The following RPS6KC1 variants were observed in gnomAD, a reference collection of about 807,000 sequenced individuals.
RPS6KC1 encodes the protein ribosomal protein S6 kinase C1.
In RPS6KC1, 54 loss-of-function variants were observed where a neutral mutation model predicts 103.8. The observed-to-expected ratio is 0.52, with a 90% confidence interval of 0.42 to 0.65. The LOEUF is 0.65. Among genes scored for constraint, RPS6KC1 ranks in the 30% least tolerant of loss-of-function variants. The probability of loss-of-function intolerance (pLI) is 0.00; values close to 1 mark genes in which losing one functional copy is unlikely to be tolerated. For synonymous variants in RPS6KC1, 439 were observed against 438.7 expected, an observed-to-expected ratio of 1.00 and a Z score of -0.01; for missense variants, 1,151 against 1,253.8, an observed-to-expected ratio of 0.92 and a Z score of 1.24.
At chr1:213,105,567 T>G (rs895576923) in intron 4 of RPS6KC1, among the ~76,000 whole-genome samples, 4 of 152,196 alleles carry the variant, frequency 2.6e-5, no homozygotes, top group African/African-American at 9.6e-5. Flanking sequence ...TTATGATGTT[T>G]TATCTACTGA....
the RPS6KC1 span, among the ~76,000 whole-genome samples, chr1:213,859,974 A>ATTATAT: frequency 6.8e-6 from 1 of 146,740 alleles, no homozygotes; most frequent in African/African-American, 2.8e-5. Flanking sequence ...ATACAGTCTA[A>ATTATAT]ACAAAAAAAA....
chr1:213,800,031 T>C, the RPS6KC1 span, among the ~76,000 whole-genome samples: 1 of 152,200 alleles, frequency 6.6e-6, no homozygotes, highest in Non-Finnish European at 1.5e-5. Flanking sequence ...CCTCTTCTTC[T>C]AAGAACATTA....
the RPS6KC1 span, among the ~76,000 whole-genome samples, chr1:213,442,101 G>A: frequency 1.3e-5 from 2 of 152,200 alleles, no homozygotes; most frequent in Non-Finnish European, 2.9e-5. Context: ...AGGTAGGCAT[G>A]TTCCTTAAGG....
intron 8 of RPS6KC1, among the ~76,000 whole-genome samples, chr1:213,206,818 A>G (rs1352380443): frequency 6.6e-6 from 1 of 152,164 alleles, no homozygotes; most frequent in African/African-American, 2.4e-5. Flanking sequence ...TGGGGTTCAT[A>G]TAGTGCTTCT....
intron 8 of RPS6KC1, among the ~76,000 whole-genome samples, chr1:213,215,843 C>A (rs1444357039): frequency 2.0e-5 from 3 of 152,118 alleles, no homozygotes; most frequent in African/African-American, 4.8e-5. Context: ...GATTTTGTCA[C>A]CACCAGGCCT....
In RPS6KC1 at chr1:213,118,021, C is replaced by CAA. The variant is rs59318173; in HGVS notation, c.472+628_472+629dup. Among the ~76,000 whole-genome samples the CAA allele has an allele frequency of 1.3e-3, 45 of 34,182 alleles. 5 individuals carry two copies. Among genetic ancestry groups the CAA allele is most frequent in the Middle Eastern group, 0.029 (2 of 70 alleles). 22.4% of individuals were successfully genotyped at this position (34,182 alleles called of 152,430 possible). ...TGGACAACAAAGCAAGACTTTGTCT[C>CAA]AAAAAAAAAAAAAAAAAAGCCTTAC... On this transcript the variant is annotated intron_variant, in intron 5 of 14. Transcript: ENST00000366960.
At chr1:213,451,776 G>A in the RPS6KC1 span, among the ~76,000 whole-genome samples, 196 of 152,310 alleles carry the variant, frequency 1.3e-3, no homozygotes, top group African/African-American at 4.4e-3. Context: ...ATGTAAACCT[G>A]AGCTGGGGCA....
the RPS6KC1 span, among the ~76,000 whole-genome samples, chr1:213,319,389 C>T: frequency 6.0e-5 from 9 of 149,706 alleles, no homozygotes; most frequent in African/African-American, 1.7e-4. Flanking sequence ...GGAAAGGAGG[C>T]TCTTTAGACA....
At chr1:213,354,799 T>C in the RPS6KC1 span, among the ~76,000 whole-genome samples, 1 of 152,256 alleles carries the variant, frequency 6.6e-6, no homozygotes, top group Non-Finnish European at 1.5e-5. Context: ...CCTTTAGGGC[T>C]TTGCCCTCAT....
Position 213,240,816 on chromosome 1 carries a change from C to G in RPS6KC1, c.1340C>G (p.Thr447Ser). The change falls in exon 11 of 15, where the codon ACT becomes AGT. Residue 447 changes from threonine to serine, a missense_variant. Physicochemically the swap from Thr to Ser is moderately conservative, Grantham distance 58 (BLOSUM62 1). Transcript: ENST00000366960. ...TLAKVHLQQPTSSPQDSSSFE... is the reference protein window; with the variant it reads ...TLAKVHLQQPSSSPQDSSSFE... ...GCAAAAGTTCACCTGCAGCAGCCAACTTCTAGTCCTCAGGACAGCAGTAGC... is the reference window on the plus strand; with the variant it reads ...GCAAAAGTTCACCTGCAGCAGCCAAGTTCTAGTCCTCAGGACAGCAGTAGC... 1 of 1,613,934 alleles carries G rather than the reference C, an allele frequency of 6.2e-7. No individual in the cohort carries two copies. The highest frequency in any genetic ancestry group is 8.5e-7 in the Non-Finnish European group (1 of 1,179,882).
chr1:213,072,140 GT>G (rs540248789), intron 2 of RPS6KC1, among the ~76,000 whole-genome samples: 61 of 143,450 alleles, frequency 4.3e-4, no homozygotes, highest in African/African-American at 1.1e-3. Context: ...CAACAGTATT[GT>G]TTTTTTTTTT....
chr1:213,541,228 G>A, the RPS6KC1 span, among the ~76,000 whole-genome samples: 2,257 of 150,848 alleles, frequency 0.015, 34 homozygotes, highest in South Asian at 0.032. Context: ...ACAACATTTC[G>A]CGATTAAGTT....
chr1:213,334,934 T>A, the RPS6KC1 span, among the ~76,000 whole-genome samples: 1 of 152,374 alleles, frequency 6.6e-6, no homozygotes, highest in East Asian at 1.9e-4. Flanking sequence ...GTTGGATGGA[T>A]GTCTGCCAGT....
chr1:213,546,901 C>A, the RPS6KC1 span, among the ~76,000 whole-genome samples: 2 of 152,144 alleles, frequency 1.3e-5, no homozygotes, highest in Admixed American at 6.5e-5. Flanking sequence ...AGACCTTTGC[C>A]ATGGCCTTGG....
At chr1:213,756,643 G>C in the RPS6KC1 span, among the ~76,000 whole-genome samples, 4 of 151,746 alleles carry the variant, frequency 2.6e-5, no homozygotes, top group East Asian at 5.8e-4. Flanking sequence ...TTTGAGACAG[G>C]GTCTTGCTCT....
chr1:213,289,519 G>A, the RPS6KC1 span, among the ~76,000 whole-genome samples: 1 of 152,172 alleles, frequency 6.6e-6, no homozygotes. Flanking sequence ...AAATTGAGTG[G>A]AAAGGCACAA....
chr1:213,619,051 G>A, the RPS6KC1 span, among the ~76,000 whole-genome samples: 1 of 152,192 alleles, frequency 6.6e-6, no homozygotes, highest in Non-Finnish European at 1.5e-5. Context: ...GAAAGCTTGA[G>A]TAAAGATGGC....
chr1:213,561,467 G>A, the RPS6KC1 span, among the ~76,000 whole-genome samples: 5 of 152,204 alleles, frequency 3.3e-5, no homozygotes, highest in Non-Finnish European at 7.3e-5. Context: ...TGATATTTTA[G>A]TTAAGGTGGA....
At chr1:213,137,920 T>C (rs189580791) in intron 6 of RPS6KC1, among the ~76,000 whole-genome samples, 1 of 145,584 alleles carries the variant, frequency 6.9e-6, no homozygotes, top group Admixed American at 6.9e-5. Context: ...GGGAGTGCTG[T>C]TGTAGTTTGG....
Sources: allele counts gnomAD v4.1 joint callset (sites outside exome capture counted in the v4.1 genomes callset), GRCh38; gene constraint gnomAD v4.1.1; transcripts MANE v1.5; gene names NCBI Gene and HGNC (gene_info 2026-07-23, HGNC 2026-07-21).